ATP6V0E1: variants seen among roughly 807,000 people sequenced by gnomAD.
ATP6V0E1 encodes the protein ATPase H+ transporting V0 subunit e1.
Under a neutral mutation model 11.6 loss-of-function variants are expected in ATP6V0E1, and 4 were observed. The ratio of observed to expected loss-of-function variants is 0.35; its 90% CI spans 0.17 to 0.79. The LOEUF (loss-of-function observed/expected upper bound fraction) is 0.79. Ranked by LOEUF, ATP6V0E1 falls within the 30% of genes least tolerant of loss-of-function variation. ATP6V0E1 has a pLI of 0.54. For missense variants in ATP6V0E1, 105 were observed against 100.0 expected (o/e 1.05, Z -0.21); for synonymous variants, 36 against 34.8 (o/e 1.04, Z -0.13).
rs766587742 is a variant in ATP6V0E1, at chr5:172,983,946, C to G, written c.86C>G (p.Pro29Arg). Reference protein sequence around the residue: ...FVGFLVPWFIPKGPNRGVIIT... With the variant: ...FVGFLVPWFIRKGPNRGVIIT... ...GGCTTCTTGGTGCCTTGGTTCATCC[C>G]TAAGGGTCCTAACCGGGGGTAAGTG... The change falls in exon 1 of 4, where the codon CCT becomes CGT. Residue 29 changes from proline (P) to arginine (R), a missense_variant. Transcript: ENST00000519374. The G allele has an allele frequency of 1.9e-6, 3 of 1,612,838 alleles. No homozygotes were observed. The South Asian group carries it at 3.3e-5, about 18-fold the overall frequency.
At chr5:173,013,191 G>T (rs1756356911) in intron 2 of ATP6V0E1, among the ~76,000 whole-genome samples, 1 of 150,362 alleles carries the variant, frequency 6.7e-6, no homozygotes, top group Non-Finnish European at 1.5e-5. Context: ...TTAAAAAAAA[G>T]AAAAAAAGGC....
At chr5:172,989,586 G>T in intron 1 of ATP6V0E1, among the ~76,000 whole-genome samples, 1 of 151,818 alleles carries the variant, frequency 6.6e-6, no homozygotes, top group East Asian at 1.9e-4. Context: ...GAGTGCAATG[G>T]CATGATCTTG....
intron 2 of ATP6V0E1, among the ~76,000 whole-genome samples, chr5:173,010,257 C>T (rs1213603584): frequency 6.6e-6 from 1 of 152,126 alleles, no homozygotes; most frequent in Non-Finnish European, 1.5e-5. Context: ...CTCAGTGCTA[C>T]ATGAGAAACT....
intron 2 of ATP6V0E1, among the ~76,000 whole-genome samples, chr5:173,009,463 T>TTTC (rs1426680800): frequency 2.1e-3 from 307 of 144,422 alleles, no homozygotes; most frequent in African/African-American, 7.7e-3. Flanking sequence ...TCCCTTTTTT[T>TTTC]TTTTTTTTTT....
Position 173,013,554 on chromosome 5 carries a change from G to A in ATP6V0E1, c.153-6684G>A, listed in dbSNP as rs185007765. 5.8e-3 allele frequency among the ~76,000 whole-genome samples: 747 copies of A among 127,792 alleles called. 8 individuals are homozygous for A. The highest frequency in any genetic ancestry group is 0.022 in the African/African-American group (710 of 32,982). The allele number at this position is 127,792 out of a possible 152,430, so 83.8% of individuals were successfully genotyped here. A position where few individuals can be genotyped will look rare whatever the true frequency, so the allele number is the denominator to read the frequency against. ...TGCGCCACTGCACTCCAGCCTGGGC[G>A]ACAGAGCCAGACTCCATCTCAAAAA... On this transcript the variant is annotated intron_variant, in intron 2 of 3. Transcript: ENST00000519374.
intron 2 of ATP6V0E1, among the ~76,000 whole-genome samples, chr5:172,998,109 CAAAAA>C (rs544533960): frequency 9.3e-4 from 113 of 121,168 alleles, no homozygotes; most frequent in Middle Eastern, 0.01. Flanking sequence ...TACCCTGTCT[CAAAAA>C]AAAAAAAGTT....
At position 172,988,185 on chromosome 5, in the gene ATP6V0E1, T is replaced by C. The variant is rs571552803; in HGVS notation, c.104+4221T>C. On this transcript the variant is annotated intron_variant, in intron 1 of 3. Transcript: ENST00000519374. ...TGATAGGAATGTTTCAGCTCCATTA[T>C]AATCTTAGGGGACCACCTGTCATTT... 8.5e-5 allele frequency among the ~76,000 whole-genome samples: 13 copies of C among 152,362 alleles called. No individual in the cohort carries two copies. In the East Asian group the frequency reaches 1.7e-3, roughly 20 times the overall value.
At chr5:173,020,983 G>A (rs559522358) in intron 3 of ATP6V0E1, 48 of 512,282 alleles carry the variant, frequency 9.4e-5, no homozygotes, top group East Asian at 8.2e-4. Flanking sequence ...GCCTGCGTCC[G>A]TTTGTTTTGT....
chr5:172,993,207 C>T (rs947576706), intron 1 of ATP6V0E1, among the ~76,000 whole-genome samples: 2 of 151,896 alleles, frequency 1.3e-5, no homozygotes, highest in African/African-American at 4.8e-5. Flanking sequence ...ATGAATGTGC[C>T]AATATATTAA....
chr5:172,996,301 T>C (rs1756065428), intron 2 of ATP6V0E1, among the ~76,000 whole-genome samples: 1 of 152,120 alleles, frequency 6.6e-6, no homozygotes, highest in Non-Finnish European at 1.5e-5. Flanking sequence ...GGCTCATGCC[T>C]GTAATCCCAG....
chr5:173,026,192 C>T (rs1030377587), intron 3 of ATP6V0E1, among the ~76,000 whole-genome samples: 1 of 151,912 alleles, frequency 6.6e-6, no homozygotes, highest in Non-Finnish European at 1.5e-5. Flanking sequence ...GACAGTGTTT[C>T]GCTTTGTTGC....
chr5:173,028,322 A>T (rs17729631), intron 3 of ATP6V0E1, among the ~76,000 whole-genome samples: 16,070 of 152,272 alleles, frequency 0.11, 1,084 homozygotes, highest in South Asian at 0.18. Flanking sequence ...CACTTTTTGG[A>T]TGGTAAAGTC....
chr5:173,002,046 T>A (rs1756163350), intron 2 of ATP6V0E1, among the ~76,000 whole-genome samples: 1 of 152,174 alleles, frequency 6.6e-6, no homozygotes, highest in Admixed American at 6.6e-5. Flanking sequence ...ATAATGAACC[T>A]TCATTTGCTT....
chr5:173,018,355 T>TGAG (rs1756434122), intron 2 of ATP6V0E1, among the ~76,000 whole-genome samples: 1 of 152,096 alleles, frequency 6.6e-6, no homozygotes, highest in Non-Finnish European at 1.5e-5. Context: ...CTGAGTAGGC[T>TGAG]GAGGAGGAGG....
At chr5:173,034,301 A>G (rs1756707950) in intron 3 of ATP6V0E1, 98 bp from the exon 4 acceptor site, 1 of 689,438 alleles carries the variant, frequency 1.5e-6, no homozygotes, top group African/African-American at 1.8e-5. Flanking sequence ...GCATCTGTGC[A>G]TTTTAAAGTG....
chr5:173,025,083 C>T (rs1316560344), intron 3 of ATP6V0E1, among the ~76,000 whole-genome samples: 1 of 148,440 alleles, frequency 6.7e-6, no homozygotes, highest in Non-Finnish European at 1.5e-5. Context: ...CCTCGTGATC[C>T]ACCCACCTCA....
intron 2 of ATP6V0E1, among the ~76,000 whole-genome samples, chr5:173,018,052 A>G (rs1756430355): frequency 6.6e-6 from 1 of 152,112 alleles, no homozygotes; most frequent in African/African-American, 2.4e-5. Flanking sequence ...TGACCTTTGA[A>G]TAACGTGGAA....
chr5:173,011,982 G>T (rs905844895), intron 2 of ATP6V0E1, among the ~76,000 whole-genome samples: 3 of 151,982 alleles, frequency 2.0e-5, no homozygotes, highest in African/African-American at 7.3e-5. Flanking sequence ...AGCGGGTTAG[G>T]GGGGTAAATT....
chr5:173,018,630 A>G (rs186082583), intron 2 of ATP6V0E1, among the ~76,000 whole-genome samples: 12 of 151,510 alleles, frequency 7.9e-5, no homozygotes, highest in Admixed American at 2.0e-4. Flanking sequence ...GCCACTCTCT[A>G]TTCCTTCTCC....
Sources: gnomAD v4.1 joint callset for allele counts (sites outside exome capture counted in the v4.1 genomes callset) on GRCh38, gnomAD v4.1.1 for gene constraint, MANE v1.5 for transcripts, NCBI Gene and HGNC (gene_info 2026-07-23, HGNC 2026-07-21) for gene names.